The following NUP58 variants were observed in gnomAD, a reference collection of about 807,000 sequenced individuals.
NUP58 encodes nucleoporin p58/p45.
Under a neutral mutation model 70.1 loss-of-function variants are expected in NUP58, and 17 were observed. That is an observed-to-expected ratio of 0.24 (90% CI 0.17 to 0.36). The LOEUF (loss-of-function observed/expected upper bound fraction) is 0.36. Among genes scored for constraint, NUP58 ranks in the 10% least tolerant of loss-of-function variants. The probability of loss-of-function intolerance (pLI) is 1.00; values close to 1 mark genes in which losing one functional copy is unlikely to be tolerated. For synonymous variants in NUP58, 275 were observed against 257.6 expected, an observed-to-expected ratio of 1.07 and a Z score of -0.65; for missense variants, 644 against 701.5, an observed-to-expected ratio of 0.92 and a Z score of 0.93.
Position 25,340,177 on chromosome 13 carries a change from A to G in NUP58, c.*43A>G. Reference sequence around the variant, plus strand: ...GAGAGAATCCATAGCAGCACCGTTCATTCTATGAGTCTATTTTTCTAATGA... The same window carrying G: ...GAGAGAATCCATAGCAGCACCGTTCGTTCTATGAGTCTATTTTTCTAATGA... On this transcript the variant is annotated 3_prime_UTR_variant, in exon 16 of 16. Coordinates refer to ENST00000381736, the MANE Select transcript of NUP58 (RefSeq NM_014089.4). 2.1e-6 allele frequency: 3 copies of G among 1,450,312 alleles called. No homozygotes were observed. The highest frequency in any genetic ancestry group is 1.8e-6 in the Non-Finnish European group (2 of 1,092,750). 89.8% of individuals were successfully genotyped at this position (1,450,312 alleles called of 1,614,324 possible).
chr13:25,304,621 A>G (rs559516201), intron 1 of NUP58, among the ~76,000 whole-genome samples: 2 of 150,448 alleles, frequency 1.3e-5, no homozygotes, highest in Non-Finnish European at 3.0e-5. Context: ...GGTTCAAGCA[A>G]TTCTCCTGCC....
intron 12 of NUP58, among the ~76,000 whole-genome samples, chr13:25,329,303 A>G (rs980086957): frequency 3.3e-5 from 5 of 152,278 alleles, no homozygotes; most frequent in East Asian, 1.9e-4. Context: ...TGTTTTATCA[A>G]TGCTCCACAG....
intron 13 of NUP58, chr13:25,335,723 T>C (rs932064866): frequency 1.4e-5 from 14 of 983,524 alleles, no homozygotes; most frequent in Non-Finnish European, 1.6e-5. Context: ...CTTTAAATGC[T>C]TTATAATTTT....
At chr13:25,329,865 T>C (rs1295437240) in intron 12 of NUP58, among the ~76,000 whole-genome samples, 1 of 152,188 alleles carries the variant, frequency 6.6e-6, no homozygotes, top group African/African-American at 2.4e-5. Flanking sequence ...CTCTGTTGCC[T>C]ATGCTAGAGT....
At chr13:25,343,826 T>TATATATATACAC (rs1491561346), downstream of NUP58, among the ~76,000 whole-genome samples, 2 of 127,554 alleles carry the variant, frequency 1.6e-5, no homozygotes, top group East Asian at 4.3e-4. Context: ...TATATATATA[T>TATATATATACAC]ACACATATAT....
chr13:25,324,050 T>C (rs1009261516), intron 9 of NUP58, among the ~76,000 whole-genome samples: 1 of 152,184 alleles, frequency 6.6e-6, no homozygotes, highest in Non-Finnish European at 1.5e-5. Context: ...TCTGAAGATC[T>C]ACAAGCAGTT....
In NUP58 at chr13:25,307,211, A is replaced by ATTTTTTTTT. The variant is rs72132780; in HGVS notation, c.108-582_108-574dup. 4.2e-4 allele frequency among the ~76,000 whole-genome samples: 41 copies of ATTTTTTTTT among 98,574 alleles called. 2 individuals are homozygous for ATTTTTTTTT. Among genetic ancestry groups the ATTTTTTTTT allele is most frequent in the South Asian group, 1.8e-3 (5 of 2,728 alleles). The allele number at this position is 98,574 out of a possible 152,430, so 64.7% of individuals were successfully genotyped here. A position where few individuals can be genotyped will look rare whatever the true frequency, so the allele number is the denominator to read the frequency against. ...TGCTTTTCTTGAAATCTGGTATTGT[A>ATTTTTTTTT]TTTTTTTTTTTTTTTTTTTTTGAGA... On this transcript the variant is annotated intron_variant, in intron 1 of 15. Transcript: ENST00000381736.
At position 25,301,830 on chromosome 13, in the gene NUP58, C is replaced by G; in HGVS notation, c.57C>G (p.Ala19=). The G allele has an allele frequency of 1.2e-6, 2 of 1,613,640 alleles. No individual in the cohort carries two copies. The highest frequency in any genetic ancestry group is 1.7e-6 in the Non-Finnish European group (2 of 1,179,854). Residue 19 remains alanine (A), a synonymous_variant, in exon 1 of 16, where the codon GCC becomes GCG. Coordinates refer to ENST00000381736, the MANE Select transcript of NUP58 (RefSeq NM_014089.4). ...CTCTGGGCTCCACCACCGTGGCCGCCGGCGGGACCAGCACAGGCGGCGTTT... is the reference window on the plus strand; with the variant it reads ...CTCTGGGCTCCACCACCGTGGCCGCGGGCGGGACCAGCACAGGCGGCGTTT... The part of the protein sequence containing the change: ...SGTLGSTTVA[A]GGTSTGGVFS...
chr13:25,333,856 C>T, intron 13 of NUP58: 2 of 985,220 alleles, frequency 2.0e-6, no homozygotes, highest in Non-Finnish European at 2.4e-6. Context: ...TTATACATCA[C>T]TGTTGATCTA....
rs73466649 is a variant in NUP58 at position 25,305,504 on chromosome 13, C to T, written c.108-2302C>T. 5.0e-3 allele frequency among the ~76,000 whole-genome samples: 753 copies of T among 152,120 alleles called. 4 individuals carry two copies. Among genetic ancestry groups the T allele is most frequent in the African/African-American group, 0.017 (702 of 41,492 alleles). ...GTTTTAATTGTTAGCGAGAGCTTAC[C>T]GCCCTGCTTTGTCTCCTGCCTCGCC... is the stretch of plus-strand genomic sequence containing the variant. On this transcript the variant is annotated intron_variant, in intron 1 of 15. Transcript: ENST00000381736.
At chr13:25,323,761 G>T (rs548190145) in intron 9 of NUP58, among the ~76,000 whole-genome samples, 1 of 152,054 alleles carries the variant, frequency 6.6e-6, no homozygotes, top group African/African-American at 2.4e-5. Flanking sequence ...AGTGGGGGCC[G>T]CATGGTTTAT....
At chr13:25,323,921 A>G (rs2031289116) in intron 9 of NUP58, among the ~76,000 whole-genome samples, 1 of 152,148 alleles carries the variant, frequency 6.6e-6, no homozygotes, top group African/African-American at 2.4e-5. Context: ...TCCAGGTACA[A>G]GGGTTTTGTA....
chr13:25,336,969 C>T lies in NUP58; in HGVS notation c.1469C>T (p.Thr490Met), dbSNP rs1367032531. The change falls in exon 14 of 16, where the codon ACG becomes ATG. Residue 490 changes from threonine to methionine, a missense_variant. Transcript: ENST00000381736. ...PQPSLGVSFG[T>M]PFGSGIGTGL... is the part of the protein sequence containing the mutation. ...CCATCTCTGGGAGTTAGTTTTGGAACGCCATTCGGCTCAGGTATTGGCACT... is the reference window on the plus strand; with the variant it reads ...CCATCTCTGGGAGTTAGTTTTGGAATGCCATTCGGCTCAGGTATTGGCACT... 15 of 1,602,852 alleles carry T rather than the reference C, an allele frequency of 9.4e-6. No homozygotes were observed. The highest frequency in any genetic ancestry group is 3.3e-4 in the Middle Eastern group (2 of 6,040).
intron 3 of NUP58, among the ~76,000 whole-genome samples, chr13:25,348,280 G>C (rs2032072507): frequency 6.6e-6 from 1 of 152,118 alleles, no homozygotes; most frequent in African/African-American, 2.4e-5. Context: ...AGGAAATTTA[G>C]CATTCAAATT....
At chr13:25,343,506 A>G (rs1430189607), downstream of NUP58, among the ~76,000 whole-genome samples, 1 of 148,804 alleles carries the variant, frequency 6.7e-6, no homozygotes, top group East Asian at 2.0e-4. Context: ...CTTGTCGCCC[A>G]GGCTGATGCC....
intron 13 of NUP58, chr13:25,335,062 G>A: frequency 2.0e-6 from 2 of 984,974 alleles, no homozygotes; most frequent in Non-Finnish European, 2.4e-6. Context: ...TAATACTTTG[G>A]CATGGGAGAT....
intron 9 of NUP58, among the ~76,000 whole-genome samples, chr13:25,323,914 A>G (rs2031288888): frequency 6.6e-6 from 1 of 152,198 alleles, no homozygotes. Flanking sequence ...GATATGATCC[A>G]GGTACAAGGG....
At chr13:25,304,973 A>T (rs2030247460) in intron 1 of NUP58, among the ~76,000 whole-genome samples, 1 of 152,098 alleles carries the variant, frequency 6.6e-6, no homozygotes, top group Non-Finnish European at 1.5e-5. Flanking sequence ...TGGTTGTACT[A>T]CCTATGTTGT....
rs148038207 is a variant in NUP58 at position 25,303,128 on chromosome 13, C to T, written c.107+1248C>T. 6.7e-4 allele frequency: 307 copies of T among 455,480 alleles called. 2 individuals carry two copies. Among genetic ancestry groups the T allele is most frequent in the South Asian group, 2.9e-3 (186 of 64,476 alleles). 28.2% of individuals were successfully genotyped at this position (455,480 alleles called of 1,614,324 possible). On this transcript the variant is annotated intron_variant, in intron 1 of 15. Transcript: ENST00000381736. ...TGAAAACTACTCCAATCAACTTCTT[C>T]AATCTGTTCTGCCACATTTTAGCCA...
Sources: gnomAD v4.1 joint callset for allele counts (sites outside exome capture counted in the v4.1 genomes callset) on GRCh38, gnomAD v4.1.1 for gene constraint, MANE v1.5 for transcripts, NCBI Gene and HGNC (gene_info 2026-07-23, HGNC 2026-07-21) for gene names.